UBXN2A: variants seen among roughly 807,000 people sequenced by gnomAD.
UBXN2A encodes UBX domain protein 2A, also known as UBX domain-containing protein 2A.
UBXN2A carries 28 observed loss-of-function variants against 28.4 expected under a neutral mutation model. That is an observed-to-expected ratio of 0.99 (90% CI 0.73 to 1.35). The LOEUF (loss-of-function observed/expected upper bound fraction) is 1.35, where lower values mean the gene tolerates loss of function less well. UBXN2A is among the 40% of genes most tolerant of loss of function. UBXN2A has a pLI of 0.00. For missense variants in UBXN2A, 253 were observed against 297.9 expected (o/e 0.85, Z 1.11); for synonymous variants, 97 against 103.6 (o/e 0.94, Z 0.39).
At chr2:23,966,486 TC>T (rs1707172935) in intron 2 of UBXN2A, among the ~76,000 whole-genome samples, 1 of 143,884 alleles carries the variant, frequency 7.0e-6, no homozygotes, top group African/African-American at 2.6e-5. Context: ...AGAGTCTCGC[TC>T]TGTTGCCCAG....
intron 2 of UBXN2A, among the ~76,000 whole-genome samples, chr2:23,958,856 G>GT (rs1706766461): frequency 6.6e-6 from 1 of 151,788 alleles, no homozygotes; most frequent in South Asian, 2.1e-4. Flanking sequence ...TTTTTCTTTT[G>GT]TTTTTACAGA....
At chr2:23,937,011 T>C (rs1705550469), upstream of UBXN2A, among the ~76,000 whole-genome samples, 1 of 152,016 alleles carries the variant, frequency 6.6e-6, no homozygotes, top group South Asian at 2.1e-4. Context: ...GTGCCCGGCC[T>C]CATCATTTCT....
chr2:23,977,238 G>A (rs1573584726), intron 4 of UBXN2A, 163 bp downstream of exon 4: 1 of 473,028 alleles, frequency 2.1e-6, no homozygotes, highest in Non-Finnish European at 3.8e-6. Context: ...AGCTACTCAG[G>A]ATTGCTTGCA....
At chr2:23,955,943 C>A (rs1281616086) in intron 1 of UBXN2A, among the ~76,000 whole-genome samples, 1 of 152,238 alleles carries the variant, frequency 6.6e-6, no homozygotes, top group Non-Finnish European at 1.5e-5. Flanking sequence ...CGGCTTACTT[C>A]AACCTCTGCC....
intron 2 of UBXN2A, among the ~76,000 whole-genome samples, 169 bp downstream of exon 2, chr2:23,958,524 A>G (rs1706749810): frequency 6.6e-6 from 1 of 152,220 alleles, no homozygotes; most frequent in Non-Finnish European, 1.5e-5. Flanking sequence ...GCATTAAACA[A>G]ATTTTATTGA....
Position 24,003,507 on chromosome 2 carries a change from C to T in UBXN2A, c.*3640C>T, listed in dbSNP as rs1168902184. The T allele has an allele frequency of 6.6e-6, 1 of 152,114 alleles. No homozygotes were observed. Among genetic ancestry groups the T allele is most frequent in the East Asian group, 1.9e-4 (1 of 5,194 alleles). The allele number at this position is 152,114 out of a possible 1,614,324, so 9.4% of individuals were successfully genotyped here. The stretch of plus-strand genomic sequence containing the variant: ...ATAAAATCTATCTTCTGATTGCAGT[C>T]TATTGTGAGAATGCTGCTTTTCCTA... On this transcript the variant is annotated 3_prime_UTR_variant, in exon 7 of 7. Transcript: ENST00000309033.
chr2:23,956,174 T>G (rs1434606246), intron 1 of UBXN2A, among the ~76,000 whole-genome samples: 8 of 118,158 alleles, frequency 6.8e-5, no homozygotes, highest in Non-Finnish European at 1.5e-4. Context: ...TCATCTTTTT[T>G]ATTAAAAAAA....
At chr2:23,944,984 T>C (rs1028764011) in intron 1 of UBXN2A, among the ~76,000 whole-genome samples, 3 of 152,194 alleles carry the variant, frequency 2.0e-5, no homozygotes, top group African/African-American at 7.2e-5. Flanking sequence ...TATTAAAGTT[T>C]TTTTTCTTGC....
intron 1 of UBXN2A, among the ~76,000 whole-genome samples, chr2:23,942,368 G>T (rs562032226): frequency 6.7e-6 from 1 of 148,382 alleles, no homozygotes; most frequent in African/African-American, 2.5e-5. Context: ...TGTGTGGAAA[G>T]CAAAAGGGTG....
intron 2 of UBXN2A, 94 bp downstream of exon 2, chr2:23,958,449 G>A (rs942948163): frequency 6.5e-6 from 8 of 1,237,584 alleles, no homozygotes; most frequent in South Asian, 1.8e-5. Flanking sequence ...AGTAGAGTAC[G>A]TTTTAATTAT....
Position 23,971,413 on chromosome 2 carries a change from A to G in UBXN2A, c.179A>G (p.Gln60Arg), listed in dbSNP as rs147056474. The change falls in exon 3 of 7, where the codon CAG (glutamine) becomes CGG (arginine). Residue 60 changes from glutamine to arginine, a missense_variant and splice_region_variant. Transcript: ENST00000309033. ...GTGTCTCCCGCTGAACAGAAGAAAC[A>G]GGTAAATAAATGTCTATTACTTTTC... ...KCVSPAEQKK[Q>R]VDVNIKLWKN... 553 of 1,533,974 alleles carry G rather than the reference A, an allele frequency of 3.6e-4. No individual in the cohort carries two copies. Among genetic ancestry groups the G allele is most frequent in the Non-Finnish European group, 4.7e-4 (527 of 1,130,208 alleles).
At chr2:23,948,687 T>G (rs1706214823) in intron 1 of UBXN2A, among the ~76,000 whole-genome samples, 1 of 152,144 alleles carries the variant, frequency 6.6e-6, no homozygotes, top group Non-Finnish European at 1.5e-5. Flanking sequence ...GTTAGGCAGC[T>G]GGGACTCAGA....
intron 2 of UBXN2A, among the ~76,000 whole-genome samples, chr2:23,966,822 C>T (rs892546733): frequency 6.8e-6 from 1 of 146,468 alleles, no homozygotes; most frequent in Non-Finnish European, 1.5e-5. Flanking sequence ...TTGCCCAGGC[C>T]TGGAGTACAT....
At chr2:23,950,011 A>T (rs944526471) in intron 1 of UBXN2A, among the ~76,000 whole-genome samples, 2 of 46,634 alleles carry the variant, frequency 4.3e-5, no homozygotes, top group South Asian at 1.1e-3. Flanking sequence ...CCCCACCCCC[A>T]CCCCCACCCC....
intron 4 of UBXN2A, among the ~76,000 whole-genome samples, chr2:23,979,374 T>C (rs1223130389): frequency 2.6e-5 from 4 of 152,080 alleles, no homozygotes; most frequent in African/African-American, 9.7e-5. Context: ...AAATCACTTA[T>C]AATTTAACCA....
chr2:23,941,121 T>A lies in UBXN2A; in HGVS notation c.-15+473T>A, dbSNP rs573441947. Among the ~76,000 whole-genome samples, 10 of 152,258 alleles carry A rather than the reference T, an allele frequency of 6.6e-5. No individual in the cohort carries two copies. The South Asian group carries it at 2.1e-3, about 32-fold the overall frequency. ...GCTGATTTCACGTTTCCTTAATTTC[T>A]TCTTTGTGCCTTTTTTTTTTCCTTT... On this transcript the variant is annotated intron_variant, in intron 1 of 6. Transcript: ENST00000309033.
At chr2:23,988,949 T>C (rs568344314) in intron 6 of UBXN2A, among the ~76,000 whole-genome samples, 1 of 152,292 alleles carries the variant, frequency 6.6e-6, no homozygotes, top group Non-Finnish European at 1.5e-5. Flanking sequence ...AGCACAAAAT[T>C]TTTTTTCAAG....
At chr2:23,950,438 C>G (rs1005360430) in intron 1 of UBXN2A, among the ~76,000 whole-genome samples, 2 of 152,062 alleles carry the variant, frequency 1.3e-5, no homozygotes, top group African/African-American at 4.8e-5. Context: ...GATTCTCGCT[C>G]TGTTGTCCAC....
At chr2:23,958,849 T>G (rs1047694200) in intron 2 of UBXN2A, among the ~76,000 whole-genome samples, 1 of 152,184 alleles carries the variant, frequency 6.6e-6, no homozygotes, top group Non-Finnish European at 1.5e-5. Flanking sequence ...TTTTTTCTTT[T>G]TCTTTTGTTT....
Sources: gnomAD v4.1 joint callset for allele counts (sites outside exome capture counted in the v4.1 genomes callset) on GRCh38, gnomAD v4.1.1 for gene constraint, MANE v1.5 for transcripts, NCBI Gene and HGNC (gene_info 2026-07-23, HGNC 2026-07-21) for gene names.